The following CDK14 variants were observed in gnomAD, a reference collection of about 807,000 sequenced individuals.
The protein encoded by CDK14 is cyclin-dependent kinase 14.
A neutral mutation model predicts 60.7 loss-of-function variants in CDK14; 34 were observed. That is an observed-to-expected ratio of 0.56 (90% CI 0.43 to 0.75). CDK14 has a LOEUF of 0.75. Among genes scored for constraint, CDK14 ranks in the 30% least tolerant of loss-of-function variants. The pLI, the probability that CDK14 is intolerant of heterozygous loss-of-function variation, is 0.00. For missense variants in CDK14, 482 were observed against 564.1 expected, an observed-to-expected ratio of 0.85 and a Z score of 1.47; for synonymous variants, 197 against 203.7, an observed-to-expected ratio of 0.97 and a Z score of 0.28.
At position 90,611,832 on chromosome 7, in the gene CDK14, T is replaced by TG. The variant is rs1296026481; in HGVS notation, c.123+7583_123+7584insG. On this transcript the variant is annotated intron_variant, in intron 2 of 14. Transcript: ENST00000380050. ...CTTATCAAACAGTTATCTTTGTGTG[T>TG]TTTTTTTTTTTTTTTTTTGAGATGG... Among the ~76,000 whole-genome samples, 973 of 114,140 alleles carry TG rather than the reference T, an allele frequency of 8.5e-3. 16 individuals carry two copies. Among genetic ancestry groups the TG allele is most frequent in the East Asian group, 0.014 (44 of 3,188 alleles). 74.9% of individuals were successfully genotyped at this position (114,140 alleles called of 152,430 possible).
At chr7:90,689,647 C>T (rs901477899) in intron 2 of CDK14, among the ~76,000 whole-genome samples, 7 of 152,224 alleles carry the variant, frequency 4.6e-5, no homozygotes, top group Admixed American at 4.6e-4. Context: ...AAATTTGTTC[C>T]TTGGGGAAGG....
intron 10 of CDK14, among the ~76,000 whole-genome samples, chr7:91,031,301 A>C (rs983379175): frequency 8.5e-5 from 13 of 152,186 alleles, no homozygotes; most frequent in African/African-American, 2.4e-4. Flanking sequence ...TATCATGAGC[A>C]GAAACCCATA....
At chr7:90,903,132 G>C (rs1199427754) in intron 7 of CDK14, among the ~76,000 whole-genome samples, 1 of 152,000 alleles carries the variant, frequency 6.6e-6, no homozygotes, top group East Asian at 1.9e-4. Context: ...ATACACTGTG[G>C]GAATATAAAT....
chr7:91,162,561 T>G (rs1357504286), intron 14 of CDK14, among the ~76,000 whole-genome samples: 1 of 152,138 alleles, frequency 6.6e-6, no homozygotes, highest in Non-Finnish European at 1.5e-5. Flanking sequence ...CTATAGAGCA[T>G]CTGTAGTGAC....
At chr7:90,656,922 A>G (rs1321720204) in intron 2 of CDK14, among the ~76,000 whole-genome samples, 1 of 152,228 alleles carries the variant, frequency 6.6e-6, no homozygotes, top group African/African-American at 2.4e-5. Flanking sequence ...ATAGAAAATG[A>G]CTTAGGCTAA....
At chr7:91,181,787 C>A (rs1468626778) in intron 14 of CDK14, among the ~76,000 whole-genome samples, 1 of 152,086 alleles carries the variant, frequency 6.6e-6, no homozygotes, top group Admixed American at 6.5e-5. Flanking sequence ...TGACCAGACC[C>A]TAAGAATTTC....
intron 8 of CDK14, among the ~76,000 whole-genome samples, chr7:90,952,782 A>G (rs1330166026): frequency 6.6e-6 from 1 of 152,206 alleles, no homozygotes; most frequent in East Asian, 1.9e-4. Context: ...GCAACTGACA[A>G]AGAACAGAGA....
At chr7:91,049,131 C>G (rs1797319437) in intron 11 of CDK14, among the ~76,000 whole-genome samples, 1 of 152,168 alleles carries the variant, frequency 6.6e-6, no homozygotes, top group African/African-American at 2.4e-5. Context: ...GTCCTCCCAC[C>G]TCCGCCTCCC....
At chr7:90,911,970 G>T (rs1792916925) in intron 7 of CDK14, among the ~76,000 whole-genome samples, 1 of 152,134 alleles carries the variant, frequency 6.6e-6, no homozygotes, top group African/African-American at 2.4e-5. Flanking sequence ...AAGACAACTG[G>T]CTAAAGATAG....
rs147192440 is a variant in CDK14, at chr7:90,898,532, A to T, written c.640-759A>T. 8.8e-3 allele frequency among the ~76,000 whole-genome samples: 1,338 copies of T among 152,232 alleles called. 10 individuals are homozygous for T. Among genetic ancestry groups the T allele is most frequent in the Admixed American group, 0.025 (389 of 15,270 alleles). On this transcript the variant is annotated intron_variant, in intron 6 of 14. Transcript: ENST00000380050. Reference sequence around the variant, plus strand: ...TAAATGTTTCAGTTTTATAAATCTTATAGTACACTCCAATAAAATAATAAA... The same window carrying T: ...TAAATGTTTCAGTTTTATAAATCTTTTAGTACACTCCAATAAAATAATAAA...
At chr7:91,174,387 A>C (rs1801650587) in intron 14 of CDK14, among the ~76,000 whole-genome samples, 1 of 149,884 alleles carries the variant, frequency 6.7e-6, no homozygotes, top group African/African-American at 2.4e-5. Context: ...GAAAACTCTA[A>C]AACGCAGAGC....
At chr7:90,618,545 GC>G (rs1799699240) in intron 2 of CDK14, among the ~76,000 whole-genome samples, 1 of 152,104 alleles carries the variant, frequency 6.6e-6, no homozygotes, top group Non-Finnish European at 1.5e-5. Flanking sequence ...ACTTTTGGTT[GC>G]TTTTGCCATC....
At chr7:91,185,506 C>T (rs1383773721) in intron 14 of CDK14, among the ~76,000 whole-genome samples, 2 of 152,030 alleles carry the variant, frequency 1.3e-5, no homozygotes, top group African/African-American at 4.8e-5. Context: ...TCCATTAGTA[C>T]ATATTCCTAT....
At chr7:91,195,099 A>T (rs1449531016) in intron 14 of CDK14, among the ~76,000 whole-genome samples, 1 of 152,184 alleles carries the variant, frequency 6.6e-6, no homozygotes, top group Non-Finnish European at 1.5e-5. Flanking sequence ...TACCAGGAGG[A>T]AACCAATTGT....
intron 9 of CDK14, among the ~76,000 whole-genome samples, chr7:90,976,834 G>A (rs965511843): frequency 4.1e-4 from 62 of 152,028 alleles, no homozygotes; most frequent in Middle Eastern, 3.4e-3. Flanking sequence ...GTTTTCCTGC[G>A]TGTAGCTACA....
intron 5 of CDK14, among the ~76,000 whole-genome samples, chr7:90,812,368 C>G (rs1789160702): frequency 6.6e-6 from 1 of 151,400 alleles, no homozygotes; most frequent in African/African-American, 2.4e-5. Flanking sequence ...ATCGCAAGGA[C>G]AAAAAACCAA....
chr7:91,125,808 A>C (rs760939847), intron 14 of CDK14, among the ~76,000 whole-genome samples: 13 of 152,126 alleles, frequency 8.5e-5, no homozygotes, highest in Non-Finnish European at 1.9e-4. Context: ...TTACCTTTAA[A>C]TTATCACCAT....
At chr7:90,755,035 A>G (rs1266587337) in intron 4 of CDK14, among the ~76,000 whole-genome samples, 2 of 152,206 alleles carry the variant, frequency 1.3e-5, no homozygotes, top group Non-Finnish European at 2.9e-5. Flanking sequence ...TAGTTCAGCC[A>G]CTGTGGAAAT....
At chr7:90,619,414 G>A (rs6954004) in intron 2 of CDK14, among the ~76,000 whole-genome samples, 77,906 of 151,954 alleles carry the variant, frequency 0.51, 20,298 homozygotes, top group East Asian at 0.68. Flanking sequence ...TCTTTCCAGT[G>A]TTCCATAAAA....
Sources: gnomAD v4.1 joint callset for allele counts (sites outside exome capture counted in the v4.1 genomes callset) on GRCh38, gnomAD v4.1.1 for gene constraint, MANE v1.5 for transcripts, NCBI Gene and HGNC (gene_info 2026-07-23, HGNC 2026-07-21) for gene names.